Variants in RMC1 observed in about 807,000 individuals in gnomAD.
RMC1 encodes regulator of MON1-CCZ1.
RMC1 carries 44 observed loss-of-function variants against 95.5 expected under a neutral mutation model. The ratio of observed to expected loss-of-function variants is 0.46; its 90% CI spans 0.36 to 0.59. The LOEUF (loss-of-function observed/expected upper bound fraction) is 0.59. Ranked by LOEUF, RMC1 falls within the 20% of genes least tolerant of loss-of-function variation. The pLI is 0.00. For synonymous variants in RMC1, 320 were observed against 303.6 expected (o/e 1.05, Z -0.56); for missense variants, 705 against 819.6 (o/e 0.86, Z 1.71).
chr18:23,521,693 CTCT>C lies in RMC1; in HGVS notation c.961+1382_961+1384del, dbSNP rs746558804. Among the ~76,000 whole-genome samples the C allele has an allele frequency of 1.7e-3, 119 of 68,902 alleles. 1 individual carries two copies. The highest frequency in any genetic ancestry group is 8.3e-3 in the African/African-American group (94 of 11,262). 45.2% of individuals were successfully genotyped at this position (68,902 alleles called of 152,430 possible). A position where few individuals can be genotyped will look rare whatever the true frequency, so the allele number is the denominator to read the frequency against. ...AAAGAATATTCAACACACACTCTCT[CTCT>C]TTTTTTTTTTTCCTTAAACAGAACT... On this transcript the variant is annotated intron_variant, in intron 10 of 19. Transcript: ENST00000269221.
In RMC1 at chr18:23,530,411, ATAG is replaced by A. The variant is rs1225707044; in HGVS notation, c.1697_1699del (p.Val566del). The A allele has an allele frequency of 2.5e-6, 4 of 1,614,250 alleles. No homozygotes were observed. Among genetic ancestry groups the A allele is most frequent in the South Asian group, 1.1e-5 (1 of 91,086 alleles). On this transcript the variant is annotated inframe_deletion, in exon 19 of 20. Coordinates refer to ENST00000269221, the MANE Select transcript of RMC1 (RefSeq NM_013326.5). ...GCGACTTTCAACAGCAAATGATGAA[ATAG>A]TAGAAGTTCTCCTTTCCAAACACCA...
intron 5 of RMC1, among the ~76,000 whole-genome samples, chr18:23,512,988 C>G (rs1450352130): frequency 6.6e-6 from 1 of 152,008 alleles, no homozygotes; most frequent in Non-Finnish European, 1.5e-5. Flanking sequence ...GAGTCTTGCT[C>G]TGTTGCCCAG....
chr18:23,520,651 T>G (rs981872523), intron 10 of RMC1, among the ~76,000 whole-genome samples: 2 of 151,684 alleles, frequency 1.3e-5, no homozygotes, highest in Non-Finnish European at 2.9e-5. Flanking sequence ...TAAATTTATT[T>G]TTTTGACAGA....
chr18:23,518,805 A>T (rs1212284264), intron 7 of RMC1, 85 bp from the exon 8 acceptor site: 1 of 1,205,232 alleles, frequency 8.3e-7, no homozygotes, highest in Non-Finnish European at 1.2e-6. Context: ...TGAATATCTT[A>T]TAATTTACTT....
At chr18:23,527,930 C>G in intron 14 of RMC1, 29 bp downstream of exon 14, 7 of 1,521,462 alleles carry the variant, frequency 4.6e-6, no homozygotes, top group Non-Finnish European at 5.4e-6. Flanking sequence ...GACAAAGGGT[C>G]CTCCTCCCCC....
chr18:23,523,812 G>C (rs2058214500), intron 10 of RMC1, among the ~76,000 whole-genome samples: 2 of 152,146 alleles, frequency 1.3e-5, no homozygotes, highest in African/African-American at 4.8e-5. Context: ...AATCCTTCAA[G>C]TAAATTTCTC....
At chr18:23,513,979 C>T (rs936027015) in intron 5 of RMC1, among the ~76,000 whole-genome samples, 3 of 152,180 alleles carry the variant, frequency 2.0e-5, no homozygotes, top group Non-Finnish European at 2.9e-5. Flanking sequence ...GGTTGCCTTT[C>T]CACTCTGTGG....
At chr18:23,524,575 T>C in intron 12 of RMC1, 93 bp downstream of exon 12, 1 of 1,308,860 alleles carries the variant, frequency 7.6e-7, no homozygotes, top group Non-Finnish European at 1.1e-6. Context: ...GGTGAATCTC[T>C]TAGAAATGAC....
chr18:23,505,312 TCA>T (rs2057686763), intron 2 of RMC1, among the ~76,000 whole-genome samples: 1 of 152,162 alleles, frequency 6.6e-6, no homozygotes, highest in South Asian at 2.1e-4. Context: ...TCCGCCCGCC[TCA>T]GACTCCCACA....
rs190957678 is a variant in RMC1, at chr18:23,525,222, A to C, written c.1060+740A>C. The stretch of plus-strand genomic sequence containing the variant: ...CGGCCTCCCAAAGTGCTGGGATTAC[A>C]GGCATGAGCCACTGTGCCCGGCCTA... On this transcript the variant is annotated intron_variant, in intron 12 of 19. Transcript: ENST00000269221. Among the ~76,000 whole-genome samples the C allele has an allele frequency of 6.4e-3, 974 of 152,030 alleles. 13 individuals carry two copies. Among genetic ancestry groups the C allele is most frequent in the African/African-American group, 0.023 (934 of 41,472 alleles).
intron 12 of RMC1, among the ~76,000 whole-genome samples, chr18:23,525,873 G>A (rs906691557): frequency 1.3e-5 from 2 of 152,164 alleles, no homozygotes; most frequent in African/African-American, 2.4e-5. Context: ...AAGAACTCTT[G>A]AGGAGAGAAT....
At chr18:23,528,081 C>T in intron 14 of RMC1, 180 bp downstream of exon 14, 1 of 541,724 alleles carries the variant, frequency 1.8e-6, no homozygotes, top group Non-Finnish European at 3.2e-6. Flanking sequence ...AATTCAGGGT[C>T]CCTGCATCCC....
chr18:23,528,991 T>C, intron 14 of RMC1, 188 bp from the exon 15 acceptor site: 1 of 870,624 alleles, frequency 1.1e-6, no homozygotes. Context: ...GGGATTCTCC[T>C]GCCTCAGCCT....
intron 5 of RMC1, among the ~76,000 whole-genome samples, chr18:23,515,428 C>T (rs1445072762): frequency 6.6e-6 from 1 of 152,178 alleles, no homozygotes; most frequent in Non-Finnish European, 1.5e-5. Context: ...TAAGTAGTAG[C>T]TGTAATAAGT....
intron 5 of RMC1, among the ~76,000 whole-genome samples, chr18:23,514,126 C>T (rs1376866041): frequency 6.6e-6 from 1 of 152,094 alleles, no homozygotes; most frequent in Admixed American, 6.6e-5. Context: ...ATTTTGTTGA[C>T]CTAATGAAAG....
chr18:23,526,889 T>G lies in RMC1; in HGVS notation c.1189+124T>G. 6 of 1,329,722 alleles carry G rather than the reference T, an allele frequency of 4.5e-6. No homozygotes were observed. In the East Asian group the frequency reaches 1.4e-4, roughly 32 times the overall value. The allele number at this position is 1,329,722 out of a possible 1,614,324, so 82.4% of individuals were successfully genotyped here. On this transcript the variant is annotated intron_variant, in intron 13 of 19. Transcript: ENST00000269221. ...GTGACCCACAGCCTCATTCTTTATG[T>G]GAGGGGTGGCTATGTGACCCCCTAG...
At chr18:23,517,169 G>A (rs1385466793) in intron 7 of RMC1, among the ~76,000 whole-genome samples, 1 of 146,872 alleles carries the variant, frequency 6.8e-6, no homozygotes, top group Non-Finnish European at 1.5e-5. Flanking sequence ...GTTTGTTTTT[G>A]TGATGGAGTC....
intron 5 of RMC1, among the ~76,000 whole-genome samples, chr18:23,511,651 A>G (rs1457119321): frequency 1.3e-5 from 2 of 150,920 alleles, no homozygotes; most frequent in Non-Finnish European, 3.0e-5. Flanking sequence ...TTTTGCAGCT[A>G]GCTTTTTTTT....
At chr18:23,524,624 A>C in intron 12 of RMC1, 142 bp downstream of exon 12, 1 of 752,652 alleles carries the variant, frequency 1.3e-6, no homozygotes, top group Non-Finnish European at 2.2e-6. Context: ...TTTTTTTTTC[A>C]CTTTATACGT....
Sources: allele counts gnomAD v4.1 joint callset (sites outside exome capture counted in the v4.1 genomes callset), GRCh38; gene constraint gnomAD v4.1.1; transcripts MANE v1.5; gene names NCBI Gene and HGNC (gene_info 2026-07-23, HGNC 2026-07-21).